The following DAPL1 variants were observed in gnomAD, a reference collection of about 807,000 sequenced individuals.
DAPL1 encodes the protein death-associated protein-like 1.
DAPL1 carries 17 observed loss-of-function variants against 12.9 expected under a neutral mutation model. The observed-to-expected ratio is 1.32, with a 90% confidence interval of 0.90 to 1.98. The LOEUF (loss-of-function observed/expected upper bound fraction) is 1.98, where lower values mean the gene tolerates loss of function less well. DAPL1 is among the 30% of genes most tolerant of loss of function. The pLI, the probability that DAPL1 is intolerant of heterozygous loss-of-function variation, is 0.00. For synonymous variants in DAPL1, 51 were observed against 42.0 expected (o/e 1.21, Z -0.82); for missense variants, 157 against 125.7 (o/e 1.25, Z -1.19).
At chr2:158,801,456 C>G (rs983165888) in intron 1 of DAPL1, among the ~76,000 whole-genome samples, 3 of 152,162 alleles carry the variant, frequency 2.0e-5, no homozygotes, top group African/African-American at 7.2e-5. Context: ...AAAAGCCCAT[C>G]CCTTGATTTA....
At chr2:158,813,431 T>C (rs999666753) in intron 3 of DAPL1, among the ~76,000 whole-genome samples, 1 of 152,226 alleles carries the variant, frequency 6.6e-6, no homozygotes, top group East Asian at 1.9e-4. Context: ...TTTTTTTATA[T>C]GCCCAAACGA....
At chr2:158,807,141 G>T (rs774227473) in intron 3 of DAPL1, 26 bp downstream of exon 3, 1 of 1,581,654 alleles carries the variant, frequency 6.3e-7, no homozygotes, top group Non-Finnish European at 8.6e-7. Context: ...ATCACATAGC[G>T]CTCCAAGTCA....
At chr2:158,796,736 C>T (rs952046035) in intron 1 of DAPL1, among the ~76,000 whole-genome samples, 1 of 152,166 alleles carries the variant, frequency 6.6e-6, no homozygotes, top group Non-Finnish European at 1.5e-5. Context: ...CAGACATAAA[C>T]TTAACCAAAT....
intron 3 of DAPL1, among the ~76,000 whole-genome samples, chr2:158,810,073 C>T (rs962362242): frequency 6.6e-6 from 1 of 152,134 alleles, no homozygotes; most frequent in African/African-American, 2.4e-5. Context: ...ACTGTATGTA[C>T]TTGTCAAGAC....
intron 1 of DAPL1, among the ~76,000 whole-genome samples, chr2:158,798,045 C>T (rs1377635734): frequency 1.3e-5 from 2 of 152,114 alleles, no homozygotes; most frequent in Non-Finnish European, 2.9e-5. Context: ...ATTATATGAA[C>T]AGCAGCACCA....
chr2:158,798,334 G>C (rs1391835457), intron 1 of DAPL1, among the ~76,000 whole-genome samples: 1 of 152,172 alleles, frequency 6.6e-6, no homozygotes, highest in Non-Finnish European at 1.5e-5. Flanking sequence ...ACGGTCATTT[G>C]AAAACCCTCA....
chr2:158,812,340 A>G (rs1015562069), intron 3 of DAPL1, among the ~76,000 whole-genome samples: 4 of 152,200 alleles, frequency 2.6e-5, no homozygotes, highest in African/African-American at 7.2e-5. Flanking sequence ...GATCTGTGGC[A>G]TTCCTCTTCT....
intron 1 of DAPL1, among the ~76,000 whole-genome samples, chr2:158,803,448 G>A (rs1342599200): frequency 6.6e-6 from 1 of 152,194 alleles, no homozygotes; most frequent in East Asian, 1.9e-4. Context: ...GAATTAACAG[G>A]CTCAAACAAA....
At chr2:158,811,859 C>T (rs1260617427) in intron 3 of DAPL1, among the ~76,000 whole-genome samples, 1 of 152,186 alleles carries the variant, frequency 6.6e-6, no homozygotes, top group Non-Finnish European at 1.5e-5. Flanking sequence ...ACACAGCTGG[C>T]TGTAGCTTAT....
At chr2:158,813,604 G>T (rs2059243473) in intron 3 of DAPL1, among the ~76,000 whole-genome samples, 1 of 142,010 alleles carries the variant, frequency 7.0e-6, no homozygotes. Context: ...CGCCCAGGCT[G>T]GAGTGCAGTG....
At chr2:158,809,816 A>G (rs1166675606) in intron 3 of DAPL1, among the ~76,000 whole-genome samples, 1 of 152,296 alleles carries the variant, frequency 6.6e-6, no homozygotes, top group East Asian at 1.9e-4. Context: ...TATCTCAAAA[A>G]CGAACATTGG....
chr2:158,802,484 T>C (rs2059173594), intron 1 of DAPL1, among the ~76,000 whole-genome samples: 1 of 152,224 alleles, frequency 6.6e-6, no homozygotes, highest in East Asian at 1.9e-4. Flanking sequence ...CCACAGAAAG[T>C]CCAGATGGGC....
chr2:158,805,731 G>T (rs2059197334), intron 2 of DAPL1, among the ~76,000 whole-genome samples: 1 of 148,556 alleles, frequency 6.7e-6, no homozygotes, highest in African/African-American at 2.4e-5. Flanking sequence ...GCAGGCAGGG[G>T]AGTTGGCTAG....
At position 158,795,388 on chromosome 2, in the gene DAPL1, C is replaced by A. The variant is rs1182605112; in HGVS notation, c.16C>A (p.Gln6Lys). The change falls in exon 1 of 4, where the codon CAA becomes AAA. Residue 6 changes from glutamine to lysine, a missense_variant. Transcript: ENST00000309950. ...GGCACACGCTATGGCAAATGAAGTGCAAGACCTGCTCTCCCCTCGGAAAGG... is the reference window on the plus strand; with the variant it reads ...GGCACACGCTATGGCAAATGAAGTGAAAGACCTGCTCTCCCCTCGGAAAGG... MANEV[Q>K]DLLSPRKGGH... 4 of 1,555,852 alleles carry A rather than the reference C, an allele frequency of 2.6e-6. No homozygotes were observed. In the South Asian group the frequency reaches 4.7e-5, roughly 18 times the overall value.
At chr2:158,806,393 A>G (rs1878099) in intron 2 of DAPL1, among the ~76,000 whole-genome samples, 95,520 of 151,906 alleles carry the variant, frequency 0.63, 30,540 homozygotes, top group East Asian at 0.84. Context: ...AAGCACAAAA[A>G]CAGTCAAAAC....
At chr2:158,806,652 T>C (rs970705742) in intron 2 of DAPL1, among the ~76,000 whole-genome samples, 44 of 151,944 alleles carry the variant, frequency 2.9e-4, no homozygotes, top group Non-Finnish European at 5.4e-4. Context: ...CTGGCTAACA[T>C]GGTGAAACCC....
At chr2:158,796,216 G>T (rs1166113510) in intron 1 of DAPL1, among the ~76,000 whole-genome samples, 1 of 152,130 alleles carries the variant, frequency 6.6e-6, no homozygotes, top group Non-Finnish European at 1.5e-5. Flanking sequence ...ACTGAAGAAA[G>T]AACTCAAAAG....
intron 3 of DAPL1, among the ~76,000 whole-genome samples, chr2:158,812,794 C>A (rs78190301): frequency 1.6e-3 from 198 of 124,188 alleles, no homozygotes; most frequent in South Asian, 3.5e-3. Flanking sequence ...AACCTCAGCT[C>A]AAAAAAAAAA....
At chr2:158,810,641 A>G (rs1052279249) in intron 3 of DAPL1, among the ~76,000 whole-genome samples, 2 of 152,188 alleles carry the variant, frequency 1.3e-5, no homozygotes, top group Admixed American at 6.5e-5. Flanking sequence ...CTACCCCCAC[A>G]GTATTTCCCC....
Sources: gnomAD v4.1 joint callset for allele counts (sites outside exome capture counted in the v4.1 genomes callset) on GRCh38, gnomAD v4.1.1 for gene constraint, MANE v1.5 for transcripts, NCBI Gene and HGNC (gene_info 2026-07-23, HGNC 2026-07-21) for gene names.